SPOCK3: variants seen among roughly 807,000 people sequenced by gnomAD.
SPOCK3 encodes testican-3.
Under a neutral mutation model 56.6 loss-of-function variants are expected in SPOCK3, and 30 were observed. That is an observed-to-expected ratio of 0.53 (90% CI 0.40 to 0.72). The LOEUF is 0.72. SPOCK3 is among the 30% of genes least tolerant of loss of function. The probability of loss-of-function intolerance (pLI) is 0.00; values close to 1 mark genes in which losing one functional copy is unlikely to be tolerated. For synonymous variants in SPOCK3, 196 were observed against 183.3 expected, an observed-to-expected ratio of 1.07 and a Z score of -0.56; for missense variants, 527 against 530.0, an observed-to-expected ratio of 0.99 and a Z score of 0.06.
chr4:167,125,826 C>A (rs1298668279), intron 2 of SPOCK3, among the ~76,000 whole-genome samples: 1 of 152,178 alleles, frequency 6.6e-6, no homozygotes, highest in Non-Finnish European at 1.5e-5. Flanking sequence ...GTGACTGATG[C>A]TGTTTCTGAT....
intron 3 of SPOCK3, 79 bp from the exon 4 acceptor site, chr4:167,000,542 C>A (rs893139576): frequency 4.3e-6 from 3 of 690,442 alleles, no homozygotes; most frequent in African/African-American, 3.7e-5. Flanking sequence ...ACAATTTGAT[C>A]AGGTCATTTA....
chr4:167,087,848 A>G (rs906844644), intron 2 of SPOCK3, among the ~76,000 whole-genome samples: 9 of 152,170 alleles, frequency 5.9e-5, no homozygotes, highest in African/African-American at 2.2e-4. Context: ...TATAATCTAA[A>G]TAAAAGCCTT....
intron 4 of SPOCK3, among the ~76,000 whole-genome samples, chr4:166,953,457 A>G (rs892211921): frequency 6.6e-6 from 1 of 151,326 alleles, no homozygotes; most frequent in African/African-American, 2.4e-5. Context: ...GAGGATGTGG[A>G]GAAATAGGAA....
intron 6 of SPOCK3, among the ~76,000 whole-genome samples, chr4:166,873,819 A>T (rs1312152626): frequency 6.6e-6 from 1 of 152,196 alleles, no homozygotes; most frequent in Non-Finnish European, 1.5e-5. Flanking sequence ...GGGGAAGGGT[A>T]TAGAACTCAA....
intron 2 of SPOCK3, among the ~76,000 whole-genome samples, chr4:167,125,549 T>C (rs897482960): frequency 2.6e-5 from 4 of 151,190 alleles, no homozygotes; most frequent in African/African-American, 9.7e-5. Flanking sequence ...CTGTCTCTAC[T>C]AAAAATATAA....
rs566423780 is a variant in SPOCK3 at position 167,100,459 on chromosome 4, A to T, written c.190-37922T>A. On this transcript the variant is annotated intron_variant, in intron 2 of 10. Transcript: ENST00000357545. The stretch of plus-strand genomic sequence containing the variant: ...TTCTCTCTGTCTCTCTCTCTCTCTC[A>T]CACACACACACCCACATTCTCTCTC... Among the ~76,000 whole-genome samples, 16 of 146,888 alleles carry T rather than the reference A, an allele frequency of 1.1e-4. No homozygotes were observed. The South Asian group carries it at 1.3e-3, about 12-fold the overall frequency.
chr4:166,853,112 A>C (rs1730305139), intron 6 of SPOCK3, among the ~76,000 whole-genome samples: 1 of 152,182 alleles, frequency 6.6e-6, no homozygotes, highest in African/African-American at 2.4e-5. Context: ...TTCTCAAAGG[A>C]AAAAATCTAA....
In SPOCK3 at chr4:166,754,586, A is replaced by G; in HGVS notation, c.853T>C (p.Phe285Leu). The change falls in exon 8 of 11, where the codon TTC (phenylalanine) becomes CTC (leucine). Residue 285 changes from phenylalanine (F) to leucine (L), a missense_variant. Coordinates refer to ENST00000357545, the MANE Select transcript of SPOCK3 (RefSeq NM_001040159.2). ...TTGTATGTGTCACAAGAATTGAAGA[A>G]TGCCTTGGTACACTGTTCATTCTTA... ...LDKNEQCTKA[F>L]FNSCDTYKDS... The G allele has an allele frequency of 6.2e-7, 1 of 1,613,686 alleles. No individual in the cohort carries two copies.
rs183403293 is a variant in SPOCK3 at position 166,878,202 on chromosome 4, C to T, written c.589+10928G>A. On this transcript the variant is annotated intron_variant, in intron 6 of 10. Transcript: ENST00000357545. ...GCTGAGGCAGGAGAATTGCTTGAAC[C>T]CGGGTGGCGAAGGTTGCAGTGGGCC... Among the ~76,000 whole-genome samples, 210 of 152,264 alleles carry T rather than the reference C, an allele frequency of 1.4e-3. 4 individuals are homozygous for T. Among genetic ancestry groups the T allele is most frequent in the African/African-American group, 4.9e-3 (204 of 41,554 alleles).
At chr4:166,947,114 A>G (rs1741860348) in intron 4 of SPOCK3, among the ~76,000 whole-genome samples, 1 of 152,120 alleles carries the variant, frequency 6.6e-6, no homozygotes, top group South Asian at 2.1e-4. Flanking sequence ...CCATTATTTT[A>G]CCATATAAAA....
At chr4:166,964,233 C>A (rs1744459919) in intron 4 of SPOCK3, among the ~76,000 whole-genome samples, 1 of 151,656 alleles carries the variant, frequency 6.6e-6, no homozygotes, top group Admixed American at 6.6e-5. Context: ...TGTGAATAAA[C>A]ATTTCATTTC....
chr4:167,088,922 C>T (rs1217606075), intron 2 of SPOCK3, among the ~76,000 whole-genome samples: 1 of 152,004 alleles, frequency 6.6e-6, no homozygotes, highest in African/African-American at 2.4e-5. Flanking sequence ...ACATATGTTC[C>T]CATACAATAA....
chr4:167,213,823 A>G (rs1735108057), intron 2 of SPOCK3, among the ~76,000 whole-genome samples: 2 of 152,180 alleles, frequency 1.3e-5, no homozygotes, highest in Admixed American at 1.3e-4. Flanking sequence ...CACAAAATAT[A>G]TAACATATCA....
At position 166,752,029 on chromosome 4, in the gene SPOCK3, T is replaced by TTTG. The variant is rs531567832; in HGVS notation, c.931+2476_931+2478dup. On this transcript the variant is annotated intron_variant, in intron 8 of 10. Transcript: ENST00000357545. Reference sequence around the variant, plus strand: ...CACTTGCTTGAAATTGTACATTCCTTTTGTTGTTGTTGTTGTTGAGGTAGG... The same window carrying TTTG: ...CACTTGCTTGAAATTGTACATTCCTTTTGTTGTTGTTGTTGTTGTTGAGGTAGG... Among the ~76,000 whole-genome samples, 496 of 152,060 alleles carry TTTG rather than the reference T, an allele frequency of 3.3e-3. 2 individuals carry two copies. The highest frequency in any genetic ancestry group is 0.011 in the African/African-American group (452 of 41,498).
intron 6 of SPOCK3, among the ~76,000 whole-genome samples, chr4:166,803,505 A>G: frequency 6.6e-6 from 1 of 152,180 alleles, no homozygotes; most frequent in East Asian, 1.9e-4. Flanking sequence ...TAGGGACAAG[A>G]CCAAGTGAAA....
intron 8 of SPOCK3, among the ~76,000 whole-genome samples, chr4:166,748,007 C>G (rs549134506): frequency 6.6e-6 from 1 of 152,262 alleles, no homozygotes; most frequent in East Asian, 1.9e-4. Flanking sequence ...ACTGGAAGTA[C>G]ATTCCATGCT....
chr4:166,949,613 C>G lies in SPOCK3; in HGVS notation c.351-36870G>C, dbSNP rs187756920. Among the ~76,000 whole-genome samples, 1,145 of 152,140 alleles carry G rather than the reference C, an allele frequency of 7.5e-3. 5 individuals carry two copies. Among genetic ancestry groups the G allele is most frequent in the Non-Finnish European group, 0.013 (891 of 68,016 alleles). ...AGTTTCCTAGAGGTCCACTCCAGACCCTGTTTGCCTGGGTATCCACAGCGG... is the reference window on the plus strand; with the variant it reads ...AGTTTCCTAGAGGTCCACTCCAGACGCTGTTTGCCTGGGTATCCACAGCGG... On this transcript the variant is annotated intron_variant, in intron 4 of 10. Coordinates refer to ENST00000357545, the MANE Select transcript of SPOCK3 (RefSeq NM_001040159.2).
chr4:167,077,037 T>A (rs1165619491), intron 2 of SPOCK3, among the ~76,000 whole-genome samples: 2 of 151,804 alleles, frequency 1.3e-5, no homozygotes, highest in African/African-American at 4.8e-5. Context: ...TTTTAGACAT[T>A]GCATTAAAAT....
rs367826903 is a variant in SPOCK3 at position 167,159,007 on chromosome 4, T to C, written c.189+74978A>G. On this transcript the variant is annotated intron_variant, in intron 2 of 10. Transcript: ENST00000357545. ...ACAAAAATTTCAAAAGCAAACATCTTACTTGAGCTCAATCCTCAAACATAT... is the reference window on the plus strand; with the variant it reads ...ACAAAAATTTCAAAAGCAAACATCTCACTTGAGCTCAATCCTCAAACATAT... 2.0e-4 allele frequency among the ~76,000 whole-genome samples: 30 copies of C among 152,072 alleles called. 1 individual carries two copies. In the East Asian group the frequency reaches 3.7e-3, roughly 19 times the overall value.
Sources: allele counts gnomAD v4.1 joint callset (sites outside exome capture counted in the v4.1 genomes callset), GRCh38; gene constraint gnomAD v4.1.1; transcripts MANE v1.5; gene names NCBI Gene and HGNC (gene_info 2026-07-23, HGNC 2026-07-21).